Variants in CADM3 observed in about 807,000 individuals in gnomAD.
The protein encoded by CADM3 is cell adhesion molecule 3, also known as TSLC1-like 1.
Under a neutral mutation model 44.9 loss-of-function variants are expected in CADM3, and 11 were observed. The observed-to-expected ratio is 0.25, with a 90% confidence interval of 0.15 to 0.41. The LOEUF (loss-of-function observed/expected upper bound fraction) is 0.41. Ranked by LOEUF, CADM3 falls within the 10% of genes least tolerant of loss-of-function variation. CADM3 has a pLI of 1.00. For missense variants in CADM3, 426 were observed against 512.0 expected, an observed-to-expected ratio of 0.83 and a Z score of 1.62; for synonymous variants, 207 against 205.2, an observed-to-expected ratio of 1.01 and a Z score of -0.08.
At position 159,188,163 on chromosome 1, in the gene CADM3, C is replaced by T. The variant is rs563880664; in HGVS notation, c.89-3773C>T. Among the ~76,000 whole-genome samples the T allele has an allele frequency of 3.4e-4, 52 of 152,080 alleles. 1 individual carries two copies. Among genetic ancestry groups the T allele is most frequent in the African/African-American group, 1.1e-3 (46 of 41,488 alleles). On this transcript the variant is annotated intron_variant, in intron 1 of 8. Coordinates refer to ENST00000368125, the MANE Select transcript of CADM3 (RefSeq NM_001127173.3). ...AGGTGCCTCCATGGAGGCCAGGGAA[C>T]CTCCGCAGCTGTCTCAGAGTCCCAT...
At position 159,196,468 on chromosome 1, in the gene CADM3, T is replaced by C. The variant is rs1429247810; in HGVS notation, c.782+14T>C. On this transcript the variant is annotated intron_variant, in intron 6 of 8. Transcript: ENST00000368125. ...CGGCAATCCAGTGTAAGAAGATCCA[T>C]TTCCTGGTCTCCTCCTTACTCTCCA... The C allele has an allele frequency of 3.1e-6, 5 of 1,606,928 alleles. No homozygotes were observed. Among genetic ancestry groups the C allele is most frequent in the Middle Eastern group, 1.7e-4 (1 of 6,044 alleles).
intron 4 of CADM3, 103 bp from the exon 5 acceptor site, chr1:159,193,767 C>T (rs1247390540): frequency 1.1e-5 from 17 of 1,494,192 alleles, no homozygotes; most frequent in East Asian, 4.7e-5. Flanking sequence ...TGAGACTCAC[C>T]ATCTGTACGT....
At chr1:159,181,773 A>G (rs2102102414) in intron 1 of CADM3, among the ~76,000 whole-genome samples, 1 of 152,194 alleles carries the variant, frequency 6.6e-6, no homozygotes, top group Non-Finnish European at 1.5e-5. Flanking sequence ...CACCAAGAAC[A>G]CTGACTCAAT....
At chr1:159,193,843 G>A (rs764302018) in intron 4 of CADM3, 27 bp from the exon 5 acceptor site, 2 of 1,609,114 alleles carry the variant, frequency 1.2e-6, no homozygotes, top group Admixed American at 3.3e-5. Context: ...GTGTGTTTGT[G>A]TGTGTGCCAC....
rs188360056 is a variant in CADM3, at chr1:159,176,390, C to T, written c.88+4537C>T. Reference sequence around the variant, plus strand: ...GTCCACCCTTAATCTCTGAGAATAGCAATCCCCATGGAAATGCTTACAAAA... The same window carrying T: ...GTCCACCCTTAATCTCTGAGAATAGTAATCCCCATGGAAATGCTTACAAAA... On this transcript the variant is annotated intron_variant, in intron 1 of 8. Transcript: ENST00000368125. Among the ~76,000 whole-genome samples, 633 of 152,298 alleles carry T rather than the reference C, an allele frequency of 4.2e-3. 14 individuals are homozygous for T. Among genetic ancestry groups the T allele is most frequent in the Admixed American group, 0.037 (565 of 15,302 alleles).
chr1:159,191,585 A>G (rs142813734), intron 1 of CADM3, among the ~76,000 whole-genome samples: 111 of 152,340 alleles, frequency 7.3e-4, no homozygotes, highest in Non-Finnish European at 1.4e-3. Context: ...GTGTGTTTTC[A>G]GAGGTAAATG....
chr1:159,195,970 G>A (rs1649873657), intron 5 of CADM3: 1 of 165,310 alleles, frequency 6.0e-6, no homozygotes, highest in African/African-American at 2.4e-5. Flanking sequence ...TTGCAGAGCA[G>A]AGAGAACTGA....
In CADM3 at chr1:159,171,848, A is replaced by T; in HGVS notation, c.83A>T (p.Gln28Leu). Residue 28 changes from glutamine (Q) to leucine (L), a missense_variant, in exon 1 of 9, where the codon CAG (glutamine) becomes CTG (leucine). Physicochemically the swap from Gln to Leu is moderately radical, Grantham distance 113 (BLOSUM62 -2). Transcript: ENST00000368125. ...GCGCCCGGCGGGGCCAACCTCTCCCAGGACGGTGAGTGAGGGAGGGGGCGG... is the reference window on the plus strand; with the variant it reads ...GCGCCCGGCGGGGCCAACCTCTCCCTGGACGGTGAGTGAGGGAGGGGGCGG... ...CWAPGGANLS[Q>L]DDSQPWTSDE... 2 of 1,242,782 alleles carry T rather than the reference A, an allele frequency of 1.6e-6. No individual in the cohort carries two copies. The highest frequency in any genetic ancestry group is 3.1e-5 in the African/African-American group (2 of 64,778). The allele number at this position is 1,242,782 out of a possible 1,614,324, so 77.0% of individuals were successfully genotyped here. A position where few individuals can be genotyped will look rare whatever the true frequency, so the allele number is the denominator to read the frequency against.
intron 7 of CADM3, among the ~76,000 whole-genome samples, chr1:159,199,525 G>A (rs1374422528): frequency 6.6e-6 from 1 of 152,060 alleles, no homozygotes; most frequent in African/African-American, 2.4e-5. Flanking sequence ...AGATGACTAG[G>A]TATGGGCAGA....
intron 1 of CADM3, among the ~76,000 whole-genome samples, chr1:159,182,891 A>G (rs1649286214): frequency 6.6e-6 from 1 of 152,202 alleles, no homozygotes; most frequent in Non-Finnish European, 1.5e-5. Context: ...AAAAAATGTT[A>G]AGAATAATTG....
At chr1:159,193,717 C>A in intron 4 of CADM3, 153 bp from the exon 5 acceptor site, 1 of 1,404,802 alleles carries the variant, frequency 7.1e-7, no homozygotes, top group Admixed American at 1.9e-5. Flanking sequence ...GTGTTGGGGC[C>A]TACATTCTCC....
At chr1:159,199,653 C>G in intron 7 of CADM3, 98 bp from the exon 8 acceptor site, 1 of 1,515,030 alleles carries the variant, frequency 6.6e-7, no homozygotes, top group South Asian at 1.1e-5. Context: ...ATGTTAGTAC[C>G]TGTTCCCTGC....
At chr1:159,173,835 T>TA (rs568272611) in intron 1 of CADM3, among the ~76,000 whole-genome samples, 36 of 151,612 alleles carry the variant, frequency 2.4e-4, no homozygotes, top group South Asian at 6.3e-4. Flanking sequence ...CTCTAAGATG[T>TA]AAAAAAAAAC....
intron 5 of CADM3, chr1:159,194,358 GC>G: frequency 4.7e-6 from 1 of 212,814 alleles, no homozygotes; most frequent in Non-Finnish European, 9.4e-6. Flanking sequence ...ACAAAAGAAT[GC>G]AGGTGGCAGG....
chr1:159,182,084 ACACG>A (rs1351027493), intron 1 of CADM3, among the ~76,000 whole-genome samples: 2 of 145,066 alleles, frequency 1.4e-5, no homozygotes, highest in East Asian at 2.0e-4. Flanking sequence ...ACACACACAC[ACACG>A]CACACACACA....
chr1:159,178,105 A>T (rs765863270), intron 1 of CADM3, among the ~76,000 whole-genome samples: 2 of 152,208 alleles, frequency 1.3e-5, no homozygotes, highest in African/African-American at 2.4e-5. Context: ...AATGCTATGT[A>T]AATAGTTGTT....
Position 159,192,093 on chromosome 1 carries a change from T to C in CADM3, c.229+17T>C, listed in dbSNP as rs1211947335. 1 of 1,612,854 alleles carries C rather than the reference T, an allele frequency of 6.2e-7. No individual in the cohort carries two copies. The highest frequency in any genetic ancestry group is 1.1e-5 in the South Asian group (1 of 90,998). ...AGAAGAGAGGTAGTATCTCATGAGT[T>C]ATCTTTCTCCGTGAAAACCATGGGC... is the stretch of plus-strand genomic sequence containing the variant. On this transcript the variant is annotated intron_variant, in intron 2 of 8. Coordinates refer to ENST00000368125, the MANE Select transcript of CADM3 (RefSeq NM_001127173.3).
At chr1:159,189,448 A>C (rs1184186527) in intron 1 of CADM3, among the ~76,000 whole-genome samples, 1 of 152,202 alleles carries the variant, frequency 6.6e-6, no homozygotes, top group African/African-American at 2.4e-5. Context: ...TTAACCTTTA[A>C]GGGTTTCATT....
At chr1:159,194,106 G>A (rs1298593583) in intron 5 of CADM3, 66 bp downstream of exon 5, 15 of 1,499,898 alleles carry the variant, frequency 1.0e-5, no homozygotes, top group Non-Finnish European at 7.3e-6. Context: ...GAAAGAGAAT[G>A]CAGGTGACTG....
Sources: allele counts gnomAD v4.1 joint callset (sites outside exome capture counted in the v4.1 genomes callset), GRCh38; gene constraint gnomAD v4.1.1; transcripts MANE v1.5; gene names NCBI Gene and HGNC (gene_info 2026-07-23, HGNC 2026-07-21).